GRIP1: variants seen among roughly 807,000 people sequenced by gnomAD.
The protein encoded by GRIP1 is glutamate receptor interacting protein 1.
Under a neutral mutation model 129.9 loss-of-function variants are expected in GRIP1, and 45 were observed. The ratio of observed to expected loss-of-function variants is 0.35; its 90% CI spans 0.27 to 0.44. The LOEUF (loss-of-function observed/expected upper bound fraction) is 0.44. Ranked by LOEUF, GRIP1 falls within the 20% of genes least tolerant of loss-of-function variation. GRIP1 has a pLI of 1.00. For missense variants in GRIP1, 1,196 were observed against 1,396.8 expected (o/e 0.86, Z 2.29); for synonymous variants, 530 against 520.8 (o/e 1.02, Z -0.24).
intron 9 of GRIP1, among the ~76,000 whole-genome samples, chr12:66,462,531 G>A (rs1461794193): frequency 6.6e-6 from 1 of 152,146 alleles, no homozygotes; most frequent in Non-Finnish European, 1.5e-5. Flanking sequence ...AGCAAATTAT[G>A]TGTGGCTTAG....
chr12:66,495,212 A>C (rs1182714612), intron 7 of GRIP1, among the ~76,000 whole-genome samples: 1 of 152,218 alleles, frequency 6.6e-6, no homozygotes, highest in Non-Finnish European at 1.5e-5. Flanking sequence ...AAGCCAAAAA[A>C]TTAAATTACC....
intron 1 of GRIP1, among the ~76,000 whole-genome samples, chr12:66,654,261 C>A (rs7953228): frequency 0.69 from 104,291 of 152,044 alleles, 35,959 homozygotes; most frequent in East Asian, 0.79. Context: ...AATTAAACCA[C>A]ACTAAAACTA....
At chr12:66,479,131 C>G (rs1043436636) in intron 7 of GRIP1, among the ~76,000 whole-genome samples, 1 of 150,608 alleles carries the variant, frequency 6.6e-6, no homozygotes, top group African/African-American at 2.4e-5. Flanking sequence ...AATCCAGGAG[C>G]TGGTTTTTTG....
At chr12:67,053,699 G>A (rs997401585) in intron 1 of GRIP1, among the ~76,000 whole-genome samples, 15 of 151,886 alleles carry the variant, frequency 9.9e-5, no homozygotes, top group Non-Finnish European at 1.8e-4. Flanking sequence ...TTAGCCAGGC[G>A]TGGTGGTGTG....
intron 1 of GRIP1, among the ~76,000 whole-genome samples, chr12:67,064,393 A>T (rs1730716191): frequency 6.6e-6 from 1 of 152,200 alleles, no homozygotes; most frequent in Non-Finnish European, 1.5e-5. Flanking sequence ...AAATGCCCTA[A>T]GTCTTGGCTT....
chr12:66,698,893 C>T (rs1419272712), intron 1 of GRIP1, among the ~76,000 whole-genome samples: 1 of 152,154 alleles, frequency 6.6e-6, no homozygotes, highest in Non-Finnish European at 1.5e-5. Context: ...TGGGCAAACT[C>T]ATATTTTCAT....
intron 2 of GRIP1, among the ~76,000 whole-genome samples, chr12:66,594,067 C>CAAAAAAA (rs10661389): frequency 3.8e-5 from 2 of 52,928 alleles, no homozygotes; most frequent in Non-Finnish European, 3.1e-5. Flanking sequence ...GACTCCGTCT[C>CAAAAAAA]AAAAAAAAAA....
chr12:66,623,137 G>A (rs975160772), intron 1 of GRIP1, among the ~76,000 whole-genome samples: 6 of 152,050 alleles, frequency 3.9e-5, no homozygotes, highest in African/African-American at 7.2e-5. Flanking sequence ...CTTGCCAAAA[G>A]TTTTCTGTTT....
At chr12:66,489,103 C>G (rs368398163) in intron 7 of GRIP1, among the ~76,000 whole-genome samples, 2 of 152,148 alleles carry the variant, frequency 1.3e-5, no homozygotes, top group South Asian at 4.2e-4. Context: ...AGGAGGGGCT[C>G]CTTCCTAACT....
rs148826643 is a variant in GRIP1, at chr12:66,629,157, T to C, written c.56-32230A>G. Among the ~76,000 whole-genome samples the C allele has an allele frequency of 1.2e-4, 18 of 152,384 alleles. No individual in the cohort carries two copies. In the East Asian group the frequency reaches 3.5e-3, roughly 29 times the overall value. On this transcript the variant is annotated intron_variant, in intron 1 of 24. Coordinates refer to ENST00000359742, the MANE Select transcript of GRIP1 (RefSeq NM_001366722.1). ...CTAGAAACAAAAGTTCTGAATTGTA[T>C]GGCTGGATTTTGGTGTAATTGAGGA...
At chr12:66,410,236 C>T (rs1220951850) in intron 15 of GRIP1, among the ~76,000 whole-genome samples, 4 of 82,986 alleles carry the variant, frequency 4.8e-5, no homozygotes, top group African/African-American at 1.8e-4. Context: ...GGCGACAGAG[C>T]GAGACTCCGT....
chr12:66,637,034 A>T (rs2031460518), intron 1 of GRIP1, among the ~76,000 whole-genome samples: 2 of 152,164 alleles, frequency 1.3e-5, no homozygotes, highest in African/African-American at 4.8e-5. Flanking sequence ...GGTCCAGCAC[A>T]GCTGCACTGG....
At chr12:66,510,083 A>G (rs1332225631) in intron 7 of GRIP1, among the ~76,000 whole-genome samples, 1 of 152,152 alleles carries the variant, frequency 6.6e-6, no homozygotes, top group African/African-American at 2.4e-5. Flanking sequence ...TTTTTCCCAT[A>G]TGCATTTTAA....
intron 1 of GRIP1, among the ~76,000 whole-genome samples, chr12:67,066,888 T>TTTTATATATATATATATATA (rs59891449): frequency 1.0e-3 from 126 of 125,632 alleles, no homozygotes; most frequent in Middle Eastern, 4.2e-3. Flanking sequence ...AAATATATAT[T>TTTTATATATATATATATATA]TATATATATA....
At position 66,510,741 on chromosome 12, in the gene GRIP1, G is replaced by C. The variant is rs1592456317; in HGVS notation, c.724+4878C>G. 2.6e-5 allele frequency among the ~76,000 whole-genome samples: 4 copies of C among 152,038 alleles called. No homozygotes were observed. The South Asian group carries it at 6.2e-4, about 24-fold the overall frequency. The stretch of plus-strand genomic sequence containing the variant: ...ACTGAATAAATATATCTGACTCCAG[G>C]GTTGAGGTATTGATATCTATATTGT... On this transcript the variant is annotated intron_variant, in intron 7 of 24. Transcript: ENST00000359742.
chr12:66,722,569 C>A (rs1394966466), intron 1 of GRIP1, among the ~76,000 whole-genome samples: 6 of 152,026 alleles, frequency 3.9e-5, no homozygotes, highest in Non-Finnish European at 2.9e-5. Context: ...CAGAGAGACA[C>A]GAAGTGAACA....
chr12:66,552,547 T>G (rs2062176327), intron 2 of GRIP1, among the ~76,000 whole-genome samples: 1 of 152,214 alleles, frequency 6.6e-6, no homozygotes, highest in African/African-American at 2.4e-5. Flanking sequence ...TAGGCCGAAC[T>G]TCATGTCTAT....
chr12:66,640,248 T>C lies in GRIP1; in HGVS notation c.55+38602A>G, dbSNP rs141306027. 4.7e-4 allele frequency among the ~76,000 whole-genome samples: 72 copies of C among 152,346 alleles called. No homozygotes were observed. In the East Asian group the frequency reaches 7.5e-3, roughly 16 times the overall value. On this transcript the variant is annotated intron_variant, in intron 1 of 24. Coordinates refer to ENST00000359742, the MANE Select transcript of GRIP1 (RefSeq NM_001366722.1). ...ATGAAGTTTTTGAAGACAGAGATCA[T>C]AGTTATTCAGAATAGATACCAGGCC...
In GRIP1 at chr12:66,640,165, T is replaced by A. The variant is rs561983057; in HGVS notation, c.55+38685A>T. The stretch of plus-strand genomic sequence containing the variant: ...ATCTCATGCATACTTCCATCTCAGC[T>A]CTTTCTACACCGTAGTATAATTGTT... On this transcript the variant is annotated intron_variant, in intron 1 of 24. Transcript: ENST00000359742. 2.0e-5 allele frequency among the ~76,000 whole-genome samples: 3 copies of A among 152,316 alleles called. No individual in the cohort carries two copies. The South Asian group carries it at 6.2e-4, about 32-fold the overall frequency.
Sources: gnomAD v4.1 joint callset for allele counts (sites outside exome capture counted in the v4.1 genomes callset) on GRCh38, gnomAD v4.1.1 for gene constraint, MANE v1.5 for transcripts, NCBI Gene and HGNC (gene_info 2026-07-23, HGNC 2026-07-21) for gene names.